The following ADCY2 variants were observed in gnomAD, a reference collection of about 807,000 sequenced individuals.
ADCY2 encodes adenylate cyclase type 2.
A neutral mutation model predicts 125.2 loss-of-function variants in ADCY2; 31 were observed. The ratio of observed to expected loss-of-function variants is 0.25; its 90% CI spans 0.19 to 0.33. The LOEUF is 0.33. Among genes scored for constraint, ADCY2 ranks in the 10% least tolerant of loss-of-function variants. The pLI, the probability that ADCY2 is intolerant of heterozygous loss-of-function variation, is 1.00. For synonymous variants in ADCY2, 512 were observed against 548.4 expected, an observed-to-expected ratio of 0.93 and a Z score of 0.93; for missense variants, 904 against 1,418.2, an observed-to-expected ratio of 0.64 and a Z score of 5.82.
At chr5:7,625,530 A>G (rs1400996142) in intron 3 of ADCY2, among the ~76,000 whole-genome samples, 1 of 152,220 alleles carries the variant, frequency 6.6e-6, no homozygotes, top group East Asian at 1.9e-4. Flanking sequence ...TTATATGAAC[A>G]TGAATTGTTT....
At chr5:7,581,151 G>A (rs1736411735) in intron 3 of ADCY2, among the ~76,000 whole-genome samples, 1 of 152,148 alleles carries the variant, frequency 6.6e-6, no homozygotes, top group African/African-American at 2.4e-5. Context: ...ATTGTAAAAT[G>A]TTTGTAAATA....
intron 2 of ADCY2, among the ~76,000 whole-genome samples, chr5:7,510,834 G>A (rs1410979919): frequency 1.3e-5 from 2 of 152,182 alleles, no homozygotes; most frequent in African/African-American, 4.8e-5. Context: ...GTGTGTGTGT[G>A]TCTTTTAGTG....
chr5:7,740,045 G>A (rs2126424868), intron 14 of ADCY2, among the ~76,000 whole-genome samples: 1 of 152,006 alleles, frequency 6.6e-6, no homozygotes, highest in East Asian at 1.9e-4. Context: ...GGATAAAAAT[G>A]TCTTATTCAT....
At chr5:7,692,847 CCT>C (rs1297012589) in intron 5 of ADCY2, among the ~76,000 whole-genome samples, 1 of 152,124 alleles carries the variant, frequency 6.6e-6, no homozygotes, top group East Asian at 1.9e-4. Context: ...TCTCTTACCT[CCT>C]CTCGGTTTCT....
intron 4 of ADCY2, among the ~76,000 whole-genome samples, chr5:7,690,373 T>C (rs1740667285): frequency 6.6e-6 from 1 of 152,238 alleles, no homozygotes; most frequent in African/African-American, 2.4e-5. Flanking sequence ...TCTGAAATTT[T>C]AATATTGTTT....
intron 5 of ADCY2, among the ~76,000 whole-genome samples, chr5:7,694,099 C>T (rs972058179): frequency 6.6e-6 from 1 of 152,104 alleles, no homozygotes; most frequent in Admixed American, 6.5e-5. Flanking sequence ...CTGTAACCAT[C>T]AGAGGATTCC....
intron 4 of ADCY2, among the ~76,000 whole-genome samples, chr5:7,635,016 C>A (rs2126667571): frequency 6.6e-6 from 1 of 152,178 alleles, no homozygotes; most frequent in African/African-American, 2.4e-5. Context: ...ATGTTCCCAG[C>A]AAAAGAAGTG....
At chr5:7,662,675 A>G (rs1307323725) in intron 4 of ADCY2, among the ~76,000 whole-genome samples, 1 of 152,104 alleles carries the variant, frequency 6.6e-6, no homozygotes, top group African/African-American at 2.4e-5. Context: ...CTTACCCCCA[A>G]AGCCACCGCG....
chr5:7,649,201 G>T (rs1430553890), intron 4 of ADCY2, among the ~76,000 whole-genome samples: 2 of 152,208 alleles, frequency 1.3e-5, no homozygotes, highest in Admixed American at 6.5e-5. Context: ...CAAATATTGT[G>T]TTGATGTGAA....
chr5:7,680,426 A>G (rs1254759559), intron 4 of ADCY2, among the ~76,000 whole-genome samples: 2 of 152,192 alleles, frequency 1.3e-5, no homozygotes, highest in African/African-American at 2.4e-5. Flanking sequence ...TGAACTTGCA[A>G]GTCATTAAGG....
At chr5:7,675,830 C>A (rs1276554846) in intron 4 of ADCY2, among the ~76,000 whole-genome samples, 1 of 152,130 alleles carries the variant, frequency 6.6e-6, no homozygotes, top group East Asian at 1.9e-4. Context: ...GCTTGAAGTT[C>A]TTTTAGCAGT....
intron 2 of ADCY2, among the ~76,000 whole-genome samples, chr5:7,462,757 C>CA (rs1561039281): frequency 6.6e-6 from 1 of 152,192 alleles, no homozygotes; most frequent in East Asian, 1.9e-4. Context: ...GTGTAAATAA[C>CA]AATTCTGTGT....
At chr5:7,549,313 T>G (rs1735251205) in intron 3 of ADCY2, among the ~76,000 whole-genome samples, 1 of 152,214 alleles carries the variant, frequency 6.6e-6, no homozygotes, top group South Asian at 2.1e-4. Context: ...CACTCCCATC[T>G]GGAGCATTGC....
At chr5:7,572,508 T>G (rs1460245297) in intron 3 of ADCY2, among the ~76,000 whole-genome samples, 3 of 152,192 alleles carry the variant, frequency 2.0e-5, no homozygotes, top group Non-Finnish European at 4.4e-5. Context: ...TTTCTTCTTG[T>G]AAATTTGTTT....
chr5:7,437,542 T>A (rs1035307974), intron 2 of ADCY2, among the ~76,000 whole-genome samples: 1 of 152,196 alleles, frequency 6.6e-6, no homozygotes, highest in African/African-American at 2.4e-5. Context: ...AAAATCATAA[T>A]CATAACAGCA....
At chr5:7,423,872 A>G (rs1334006199) in intron 2 of ADCY2, among the ~76,000 whole-genome samples, 6 of 152,110 alleles carry the variant, frequency 3.9e-5, no homozygotes, top group African/African-American at 1.4e-4. Flanking sequence ...GGTACTGAAA[A>G]TTGGCATCAT....
intron 3 of ADCY2, among the ~76,000 whole-genome samples, chr5:7,621,609 C>G (rs1320791617): frequency 2.0e-5 from 3 of 152,182 alleles, no homozygotes; most frequent in Admixed American, 6.5e-5. Context: ...AATAATAAAA[C>G]AAGTCCATTC....
At chr5:7,790,677 AG>A (rs1207936408) in intron 20 of ADCY2, among the ~76,000 whole-genome samples, 1 of 152,200 alleles carries the variant, frequency 6.6e-6, no homozygotes, top group Non-Finnish European at 1.5e-5. Context: ...TCCAAGGTTG[AG>A]GATGGTGCCC....
intron 1 of ADCY2, among the ~76,000 whole-genome samples, chr5:7,406,178 G>A (rs1239940560): frequency 6.6e-6 from 1 of 152,074 alleles, no homozygotes; most frequent in Non-Finnish European, 1.5e-5. Context: ...CCCTTTTGAA[G>A]AAAATATACA....
Sources: gnomAD v4.1 joint callset for allele counts (sites outside exome capture counted in the v4.1 genomes callset) on GRCh38, gnomAD v4.1.1 for gene constraint, MANE v1.5 for transcripts, NCBI Gene and HGNC (gene_info 2026-07-23, HGNC 2026-07-21) for gene names.